Variants in MSI2 observed in about 807,000 individuals in gnomAD.
MSI2 encodes the protein musashi RNA binding protein 2.
In MSI2, 17 loss-of-function variants were observed where a neutral mutation model predicts 45.6. That is an observed-to-expected ratio of 0.37 (90% confidence interval 0.26 to 0.56). The LOEUF (loss-of-function observed/expected upper bound fraction) is 0.56, where lower values mean the gene tolerates loss of function less well. MSI2 is among the 20% of genes least tolerant of loss of function. The pLI is 0.77. For missense variants in MSI2, 293 were observed against 444.2 expected (o/e 0.66, Z 3.06); for synonymous variants, 156 against 158.2 (o/e 0.99, Z 0.11).
chr17:57,499,634 C>T (rs952927220), intron 6 of MSI2, among the ~76,000 whole-genome samples: 21 of 152,210 alleles, frequency 1.4e-4, no homozygotes, highest in African/African-American at 4.6e-4. Context: ...CAACAGCAAT[C>T]GTTATATTAT....
At chr17:57,570,228 C>G (rs2087841836) in intron 7 of MSI2, among the ~76,000 whole-genome samples, 1 of 152,218 alleles carries the variant, frequency 6.6e-6, no homozygotes, top group African/African-American at 2.4e-5. Context: ...GACCAACTCC[C>G]AGGCCCCACC....
intron 5 of MSI2, among the ~76,000 whole-genome samples, chr17:57,330,856 C>T (rs138429248): frequency 1.5e-3 from 234 of 151,740 alleles, no homozygotes; most frequent in Non-Finnish European, 2.8e-3. Flanking sequence ...TTTCTGTTCT[C>T]GGTAAAATGG....
At chr17:57,583,350 A>T (rs747379483) in intron 7 of MSI2, among the ~76,000 whole-genome samples, 5 of 152,232 alleles carry the variant, frequency 3.3e-5, no homozygotes, top group Non-Finnish European at 7.3e-5. Flanking sequence ...TATAAGGACA[A>T]GTGTCTTGCT....
chr17:57,509,718 G>A (rs1391474251), intron 6 of MSI2, among the ~76,000 whole-genome samples: 1 of 152,086 alleles, frequency 6.6e-6, no homozygotes, highest in African/African-American at 2.4e-5. Context: ...ACCATGCCCA[G>A]CTGGTTGCTT....
intron 5 of MSI2, among the ~76,000 whole-genome samples, chr17:57,385,055 T>G (rs1455986749): frequency 6.6e-6 from 1 of 152,196 alleles, no homozygotes; most frequent in Admixed American, 6.5e-5. Context: ...CCCTCTTTGT[T>G]ATGCAAATGA....
At chr17:57,467,493 G>A (rs932011671) in intron 6 of MSI2, among the ~76,000 whole-genome samples, 6 of 152,336 alleles carry the variant, frequency 3.9e-5, no homozygotes, top group South Asian at 4.1e-4. Flanking sequence ...CAGAAGGGCA[G>A]ATGAAGGATG....
chr17:57,514,772 T>C (rs1167500300), intron 6 of MSI2, among the ~76,000 whole-genome samples: 1 of 151,580 alleles, frequency 6.6e-6, no homozygotes, highest in Non-Finnish European at 1.5e-5. Flanking sequence ...CTGTCAATAC[T>C]CATTTACAAA....
intron 7 of MSI2, among the ~76,000 whole-genome samples, chr17:57,574,151 T>G (rs2087951796): frequency 6.6e-6 from 1 of 151,332 alleles, no homozygotes; most frequent in Admixed American, 6.6e-5. Context: ...GCCCCACCCC[T>G]CATATCCTCC....
At chr17:57,347,948 A>G (rs1915747552) in intron 5 of MSI2, among the ~76,000 whole-genome samples, 1 of 152,210 alleles carries the variant, frequency 6.6e-6, no homozygotes, top group Non-Finnish European at 1.5e-5. Flanking sequence ...GAGCAAGGTA[A>G]GTGCATTTGG....
intron 11 of MSI2, among the ~76,000 whole-genome samples, chr17:57,672,061 T>C (rs551976690): frequency 1.3e-5 from 2 of 152,346 alleles, no homozygotes; most frequent in South Asian, 4.1e-4. Context: ...TGGGTGCTTA[T>C]TGCCTGCTGG....
intron 6 of MSI2, among the ~76,000 whole-genome samples, chr17:57,522,049 G>A (rs547237741): frequency 1.3e-5 from 2 of 152,316 alleles, no homozygotes; most frequent in South Asian, 4.1e-4. Flanking sequence ...AGCTGGCAGG[G>A]AGAGAGGTGG....
At chr17:57,663,059 C>T (rs892785312) in intron 11 of MSI2, among the ~76,000 whole-genome samples, 3 of 152,168 alleles carry the variant, frequency 2.0e-5, no homozygotes, top group Non-Finnish European at 4.4e-5. Context: ...ACATTTTTTC[C>T]TGTGGGCTGC....
chr17:57,410,151 G>A (rs2084168611), intron 6 of MSI2, among the ~76,000 whole-genome samples: 1 of 151,818 alleles, frequency 6.6e-6, no homozygotes. Context: ...TGTGACTAAG[G>A]GGGTTTCTAG....
intron 5 of MSI2, among the ~76,000 whole-genome samples, chr17:57,302,956 G>A (rs1463554991): frequency 6.6e-6 from 1 of 152,206 alleles, no homozygotes; most frequent in African/African-American, 2.4e-5. Flanking sequence ...AACTGGCCGA[G>A]TGAGGAGGAG....
intron 5 of MSI2, among the ~76,000 whole-genome samples, chr17:57,366,117 G>T (rs1338541184): frequency 6.6e-6 from 1 of 152,108 alleles, no homozygotes; most frequent in African/African-American, 2.4e-5. Flanking sequence ...TTGCCGTGTT[G>T]CCCAGGCTAG....
At chr17:57,410,968 T>G (rs1403330626) in intron 6 of MSI2, among the ~76,000 whole-genome samples, 1 of 152,174 alleles carries the variant, frequency 6.6e-6, no homozygotes, top group Non-Finnish European at 1.5e-5. Context: ...GATTCTCTGA[T>G]AGGGAAACAG....
At chr17:57,306,731 T>G (rs566103328) in intron 5 of MSI2, among the ~76,000 whole-genome samples, 4 of 152,062 alleles carry the variant, frequency 2.6e-5, no homozygotes, top group Non-Finnish European at 4.4e-5. Flanking sequence ...ATCTATCTAT[T>G]TGTTTGTTTG....
intron 5 of MSI2, among the ~76,000 whole-genome samples, chr17:57,292,120 C>G (rs541966927): frequency 6.6e-6 from 1 of 151,672 alleles, no homozygotes. Flanking sequence ...CCGAGAAGGT[C>G]CAGTGGATTG....
At chr17:57,437,318 C>T (rs1465035329) in intron 6 of MSI2, among the ~76,000 whole-genome samples, 1 of 152,214 alleles carries the variant, frequency 6.6e-6, no homozygotes, top group Non-Finnish European at 1.5e-5. Context: ...AATGAAGTCT[C>T]TTGGCTTTTG....
Sources: allele counts gnomAD v4.1 joint callset (sites outside exome capture counted in the v4.1 genomes callset), GRCh38; gene constraint gnomAD v4.1.1; transcripts MANE v1.5; gene names NCBI Gene and HGNC (gene_info 2026-07-23, HGNC 2026-07-21).